PRKCB: variants seen among roughly 807,000 people sequenced by gnomAD.
The protein encoded by PRKCB is protein kinase C beta type.
Under a neutral mutation model 81.5 loss-of-function variants are expected in PRKCB, and 13 were observed. The observed-to-expected ratio is 0.16, with a 90% CI of 0.10 to 0.25. The LOEUF (loss-of-function observed/expected upper bound fraction) is 0.25. PRKCB is among the 10% of genes least tolerant of loss of function. The probability of loss-of-function intolerance (pLI) is 1.00; values close to 1 mark genes in which losing one functional copy is unlikely to be tolerated. For missense variants in PRKCB, 509 were observed against 875.7 expected (o/e 0.58, Z 5.29); for synonymous variants, 335 against 321.4 (o/e 1.04, Z -0.45).
At chr16:24,203,772 G>A (rs1968000905) in intron 16 of PRKCB, among the ~76,000 whole-genome samples, 2 of 152,196 alleles carry the variant, frequency 1.3e-5, no homozygotes, top group South Asian at 4.1e-4. Context: ...AAACAGCACA[G>A]AGATGGTGTG....
chr16:24,046,598 G>A (rs1411111589), intron 5 of PRKCB, among the ~76,000 whole-genome samples: 1 of 152,166 alleles, frequency 6.6e-6, no homozygotes, highest in African/African-American at 2.4e-5. Context: ...ATACCAGGCA[G>A]AGGGAGCGGC....
At chr16:24,129,535 CT>C (rs990013270) in intron 9 of PRKCB, among the ~76,000 whole-genome samples, 8 of 152,078 alleles carry the variant, frequency 5.3e-5, no homozygotes, top group Non-Finnish European at 1.0e-4. Flanking sequence ...ATCTATCTAT[CT>C]ATCTATCTAT....
chr16:24,080,834 TA>T (rs1245643477), intron 5 of PRKCB, among the ~76,000 whole-genome samples: 2 of 152,180 alleles, frequency 1.3e-5, no homozygotes, highest in African/African-American at 4.8e-5. Flanking sequence ...GAATCCAGAT[TA>T]AAAAGTGCTT....
At chr16:23,863,220 AT>A (rs1962711050) in intron 2 of PRKCB, among the ~76,000 whole-genome samples, 1 of 54,864 alleles carries the variant, frequency 1.8e-5, no homozygotes, top group African/African-American at 4.2e-5. Flanking sequence ...ATATACATAC[AT>A]ATATATGTGT....
At chr16:23,908,798 G>A (rs1162891245) in intron 2 of PRKCB, among the ~76,000 whole-genome samples, 1 of 152,158 alleles carries the variant, frequency 6.6e-6, no homozygotes, top group East Asian at 1.9e-4. Context: ...GATTACAGGC[G>A]TGAGCCACCG....
At position 23,916,305 on chromosome 16, in the gene PRKCB, C is replaced by A. The variant is rs147668018; in HGVS notation, c.206-72203C>A. Among the ~76,000 whole-genome samples, 738 of 144,944 alleles carry A rather than the reference C, an allele frequency of 5.1e-3. 7 individuals carry two copies. Among genetic ancestry groups the A allele is most frequent in the Non-Finnish European group, 8.6e-3 (574 of 67,108 alleles). On this transcript the variant is annotated intron_variant, in intron 2 of 16. Coordinates refer to ENST00000643927, the MANE Select transcript of PRKCB (RefSeq NM_002738.7). ...AACTCCTGGCCACAAACAAGCAGTT[C>A]TCCCACCTCAGCCTTCCAAAGTGCT...
At chr16:23,851,401 A>T (rs896433752) in intron 2 of PRKCB, among the ~76,000 whole-genome samples, 3 of 152,196 alleles carry the variant, frequency 2.0e-5, no homozygotes, top group African/African-American at 7.2e-5. Context: ...ATAAATGTGC[A>T]GGTTTATATC....
chr16:24,077,985 G>A (rs1275680174), intron 5 of PRKCB, among the ~76,000 whole-genome samples: 1 of 152,204 alleles, frequency 6.6e-6, no homozygotes, highest in Non-Finnish European at 1.5e-5. Flanking sequence ...AGCTGGGAAG[G>A]CTTTTGTCCC....
At chr16:23,926,491 AAAT>A (rs1224541101) in intron 2 of PRKCB, among the ~76,000 whole-genome samples, 1 of 151,768 alleles carries the variant, frequency 6.6e-6, no homozygotes, top group Non-Finnish European at 1.5e-5. Context: ...CAAAAAAAAT[AAAT>A]AATAAATAAA....
At chr16:23,851,316 CAACACCATTTACTG>C (rs1567289684) in intron 2 of PRKCB, among the ~76,000 whole-genome samples, 1 of 152,174 alleles carries the variant, frequency 6.6e-6, no homozygotes. Flanking sequence ...CCAGTTTTCC[CAACACCATTTACTG>C]AAGAGACTGT....
At chr16:23,988,800 A>C (rs3729890) in intron 3 of PRKCB, among the ~76,000 whole-genome samples, 1 of 152,030 alleles carries the variant, frequency 6.6e-6, no homozygotes, top group Non-Finnish European at 1.5e-5. Context: ...TAGTTTGTCT[A>C]CTATGATTTT....
At chr16:24,103,010 T>TGG (rs1165962130) in intron 7 of PRKCB, among the ~76,000 whole-genome samples, 4 of 152,092 alleles carry the variant, frequency 2.6e-5, no homozygotes, top group African/African-American at 9.7e-5. Context: ...GTAGCCAGGA[T>TGG]TACAAGTGCC....
At position 24,047,180 on chromosome 16, in the gene PRKCB, T is replaced by C. The variant is rs557777806; in HGVS notation, c.529+11633T>C. Among the ~76,000 whole-genome samples, 486 of 138,098 alleles carry C rather than the reference T, an allele frequency of 3.5e-3. 2 individuals carry two copies. Among genetic ancestry groups the C allele is most frequent in the African/African-American group, 0.013 (461 of 36,562 alleles). 90.6% of individuals were successfully genotyped at this position (138,098 alleles called of 152,430 possible). ...AGTGAAACCTCATCTCTACTAAAAA[T>C]ACAAAAAAAAAATTAGCTGGGCGTG... On this transcript the variant is annotated intron_variant, in intron 5 of 16. Transcript: ENST00000643927.
intron 5 of PRKCB, among the ~76,000 whole-genome samples, chr16:24,078,024 A>G (rs913765039): frequency 6.6e-6 from 1 of 152,198 alleles, no homozygotes; most frequent in Non-Finnish European, 1.5e-5. Flanking sequence ...CCCATCACTT[A>G]ACGTTCTCAC....
At chr16:24,150,628 A>G (rs1967065477) in intron 9 of PRKCB, among the ~76,000 whole-genome samples, 1 of 152,144 alleles carries the variant, frequency 6.6e-6, no homozygotes, top group Non-Finnish European at 1.5e-5. Flanking sequence ...TCATGTGGTT[A>G]CTCTTATTTT....
intron 2 of PRKCB, among the ~76,000 whole-genome samples, chr16:23,901,025 TG>T (rs1382712907): frequency 2.0e-5 from 3 of 152,048 alleles, no homozygotes; most frequent in Non-Finnish European, 2.9e-5. Flanking sequence ...CCCTCTCCTA[TG>T]GGGATCCTGA....
intron 9 of PRKCB, among the ~76,000 whole-genome samples, chr16:24,145,888 A>AATGT (rs2141947242): frequency 6.6e-6 from 1 of 152,328 alleles, no homozygotes; most frequent in South Asian, 2.1e-4. Flanking sequence ...CCTCGTAAAC[A>AATGT]ATGTATGTTC....
intron 9 of PRKCB, among the ~76,000 whole-genome samples, chr16:24,130,751 G>A (rs1966852208): frequency 6.6e-6 from 1 of 152,176 alleles, no homozygotes. Context: ...AGAGGGTGGA[G>A]GAGGCACAAG....
chr16:24,010,546 C>T (rs1210582594), intron 3 of PRKCB, among the ~76,000 whole-genome samples: 1 of 152,050 alleles, frequency 6.6e-6, no homozygotes, highest in Non-Finnish European at 1.5e-5. Context: ...GTGCAATAGT[C>T]CAAGGCAGGG....
Sources: gnomAD v4.1 joint callset for allele counts (sites outside exome capture counted in the v4.1 genomes callset) on GRCh38, gnomAD v4.1.1 for gene constraint, MANE v1.5 for transcripts, NCBI Gene and HGNC (gene_info 2026-07-23, HGNC 2026-07-21) for gene names.